Variants in SPON1 observed in about 807,000 individuals in gnomAD.
SPON1 encodes spondin-1.
In SPON1, 52 loss-of-function variants were observed where a neutral mutation model predicts 111.7. The ratio of observed to expected loss-of-function variants is 0.47; its 90% CI spans 0.37 to 0.59. SPON1 has a LOEUF of 0.59. Among genes scored for constraint, SPON1 ranks in the 20% least tolerant of loss-of-function variants. The pLI is 0.00. For missense variants in SPON1, 957 were observed against 1,068.5 expected, an observed-to-expected ratio of 0.90 and a Z score of 1.46; for synonymous variants, 410 against 395.8, an observed-to-expected ratio of 1.04 and a Z score of -0.43.
At chr11:13,963,931 G>A (rs781927647) in intron 1 of SPON1, among the ~76,000 whole-genome samples, 2 of 152,208 alleles carry the variant, frequency 1.3e-5, no homozygotes, top group East Asian at 1.9e-4. Flanking sequence ...GGAGGCCGGG[G>A]AACCTTGGCT....
At chr11:14,093,880 T>A (rs1186234499) in intron 5 of SPON1, among the ~76,000 whole-genome samples, 2 of 152,204 alleles carry the variant, frequency 1.3e-5, no homozygotes, top group South Asian at 4.1e-4. Context: ...TTAAGTAATG[T>A]CAGGTCTTTT....
intron 5 of SPON1, among the ~76,000 whole-genome samples, chr11:14,127,423 C>T (rs1184219816): frequency 6.6e-6 from 1 of 152,146 alleles, no homozygotes; most frequent in Non-Finnish European, 1.5e-5. Context: ...TACCACTGCC[C>T]TAAGTCAGAC....
At chr11:14,059,828 C>A (rs1243344847) in intron 3 of SPON1, among the ~76,000 whole-genome samples, 2 of 152,142 alleles carry the variant, frequency 1.3e-5, no homozygotes, top group Non-Finnish European at 2.9e-5. Flanking sequence ...AGGAAAAATC[C>A]CCCTTTCCAC....
At position 14,022,316 on chromosome 11, in the gene SPON1, AT is replaced by A. The variant is rs201077109; in HGVS notation, c.346-19203del. On this transcript the variant is annotated intron_variant, in intron 2 of 15. Transcript: ENST00000576479. The stretch of plus-strand genomic sequence containing the variant: ...AGCAGCCTGTTGTTAACATATTACA[AT>A]TAGCACAGGTAAATGGAGGATTCGA... Among the ~76,000 whole-genome samples the A allele has an allele frequency of 3.9e-5, 6 of 152,238 alleles. No individual in the cohort carries two copies. In the East Asian group the frequency reaches 1.2e-3, roughly 29 times the overall value.
chr11:13,962,861 T>A lies in SPON1; in HGVS notation c.-44T>A. ...GGGACCACTTCGGGCAGGAGTCGCG[T>A]GGCGAAGGCCTGCGGCCGCGGCACA... On this transcript the variant is annotated 5_prime_UTR_variant, in exon 1 of 16. Coordinates refer to ENST00000576479, the MANE Select transcript of SPON1 (RefSeq NM_006108.4). The A allele has an allele frequency of 7.1e-7, 1 of 1,408,412 alleles. No homozygotes were observed. The highest frequency in any genetic ancestry group is 9.2e-7 in the Non-Finnish European group (1 of 1,086,356). 87.2% of individuals were successfully genotyped at this position (1,408,412 alleles called of 1,614,324 possible). A position where few individuals can be genotyped will look rare whatever the true frequency, so the allele number is the denominator to read the frequency against.
intron 6 of SPON1, among the ~76,000 whole-genome samples, chr11:14,231,071 C>T (rs1476665503): frequency 6.6e-6 from 1 of 152,072 alleles, no homozygotes; most frequent in East Asian, 1.9e-4. Context: ...CCTTAGCCTT[C>T]CAAAGTGCTG....
At chr11:14,152,740 T>G (rs1847802689) in intron 6 of SPON1, among the ~76,000 whole-genome samples, 1 of 152,214 alleles carries the variant, frequency 6.6e-6, no homozygotes, top group African/African-American at 2.4e-5. Flanking sequence ...TTCTTTAAAA[T>G]GCAATGACTT....
chr11:14,254,488 C>A (rs1554940951), intron 7 of SPON1, 40 bp from the exon 8 acceptor site: 1 of 1,533,896 alleles, frequency 6.5e-7, no homozygotes, highest in Admixed American at 1.9e-5. Context: ...GGACCAACCC[C>A]CAGAACTCTA....
chr11:14,165,810 TGTACTTGGCCTGA>T (rs1848022932), intron 6 of SPON1, among the ~76,000 whole-genome samples: 1 of 152,220 alleles, frequency 6.6e-6, no homozygotes, highest in Admixed American at 6.5e-5. Flanking sequence ...TTACTCTTAC[TGTACTTGGCCTGA>T]TTATTGGCAA....
At position 14,213,175 on chromosome 11, in the gene SPON1, T is replaced by C. The variant is rs533352031; in HGVS notation, c.826-30157T>C. 8.5e-5 allele frequency among the ~76,000 whole-genome samples: 13 copies of C among 152,312 alleles called. No homozygotes were observed. In the South Asian group the frequency reaches 2.7e-3, roughly 32 times the overall value. On this transcript the variant is annotated intron_variant, in intron 6 of 15. Transcript: ENST00000576479. The stretch of plus-strand genomic sequence containing the variant: ...TTCAATGGGACAACAAAATGAGCTT[T>C]GTTCATCCTTTTGAAATGGAGCCCA...
At chr11:14,023,473 A>T (rs561375283) in intron 2 of SPON1, among the ~76,000 whole-genome samples, 50 of 152,310 alleles carry the variant, frequency 3.3e-4, no homozygotes, top group Non-Finnish European at 5.6e-4. Flanking sequence ...TAACAACACA[A>T]GTTCCCTCTC....
At chr11:14,169,710 A>C (rs1218263628) in intron 6 of SPON1, among the ~76,000 whole-genome samples, 1 of 152,188 alleles carries the variant, frequency 6.6e-6, no homozygotes. Context: ...AGCTTTCTAC[A>C]TATGGCTAGC....
intron 5 of SPON1, among the ~76,000 whole-genome samples, chr11:14,111,583 A>G (rs1363308773): frequency 6.6e-6 from 1 of 152,230 alleles, no homozygotes; most frequent in East Asian, 1.9e-4. Flanking sequence ...CAGCATTTAT[A>G]TGCTTAAGTT....
intron 3 of SPON1, among the ~76,000 whole-genome samples, chr11:14,072,839 T>C (rs1848887540): frequency 6.6e-6 from 1 of 152,160 alleles, no homozygotes; most frequent in Non-Finnish European, 1.5e-5. Flanking sequence ...CTGATCATCT[T>C]AGTCCTCTGG....
chr11:13,994,405 G>C (rs1461915828), intron 2 of SPON1, among the ~76,000 whole-genome samples: 2 of 152,054 alleles, frequency 1.3e-5, no homozygotes, highest in Admixed American at 6.6e-5. Flanking sequence ...ATTTTTTATG[G>C]TTCTAATATG....
intron 6 of SPON1, 43 bp from the exon 7 acceptor site, chr11:14,243,289 A>T (rs1554939871): frequency 6.5e-7 from 1 of 1,540,498 alleles, no homozygotes; most frequent in Non-Finnish European, 8.8e-7. Context: ...TGTTCCCATG[A>T]GCCCAGCTCT....
rs1256615919 is a variant in SPON1, at chr11:14,061,167, C to G, written c.480-14178C>G. ...CTCAGGGAAGAAATTCACCTACACACAAAACAGCTAGATCCAGAATAAAAT... is the reference window on the plus strand; with the variant it reads ...CTCAGGGAAGAAATTCACCTACACAGAAAACAGCTAGATCCAGAATAAAAT... On this transcript the variant is annotated intron_variant, in intron 3 of 15. Coordinates refer to ENST00000576479, the MANE Select transcript of SPON1 (RefSeq NM_006108.4). Among the ~76,000 whole-genome samples, 5 of 152,298 alleles carry G rather than the reference C, an allele frequency of 3.3e-5. No individual in the cohort carries two copies. The East Asian group carries it at 9.6e-4, about 29-fold the overall frequency.
intron 2 of SPON1, among the ~76,000 whole-genome samples, chr11:14,024,387 G>C (rs1280716424): frequency 6.6e-6 from 1 of 152,180 alleles, no homozygotes; most frequent in African/African-American, 2.4e-5. Context: ...TTGGTGCAAG[G>C]TTCTGTTGAG....
rs79977340 is a variant in SPON1, at chr11:14,253,425, A to T, written c.891-1103A>T. ...TGATCACCATTTTAAAGATTTGGACACTGAGACGCAGAAAGGTTTGATAAT... is the reference window on the plus strand; with the variant it reads ...TGATCACCATTTTAAAGATTTGGACTCTGAGACGCAGAAAGGTTTGATAAT... On this transcript the variant is annotated intron_variant, in intron 7 of 15. Coordinates refer to ENST00000576479, the MANE Select transcript of SPON1 (RefSeq NM_006108.4). 2.9e-3 allele frequency among the ~76,000 whole-genome samples: 436 copies of T among 152,356 alleles called. 14 individuals carry two copies. In the East Asian group the frequency reaches 0.07, roughly 25 times the overall value.
Sources: gnomAD v4.1 joint callset for allele counts (sites outside exome capture counted in the v4.1 genomes callset) on GRCh38, gnomAD v4.1.1 for gene constraint, MANE v1.5 for transcripts, NCBI Gene and HGNC (gene_info 2026-07-23, HGNC 2026-07-21) for gene names.